Variants in TTC31 observed in about 807,000 individuals in gnomAD.
TTC31 encodes the protein tetratricopeptide repeat domain 31.
Under a neutral mutation model 60.4 loss-of-function variants are expected in TTC31, and 59 were observed. The observed-to-expected ratio is 0.98, with a 90% confidence interval of 0.79 to 1.21. TTC31 has a LOEUF of 1.21. Among genes scored for constraint, TTC31 ranks in the 50% most tolerant of loss-of-function variants. The pLI is 0.00. For synonymous variants in TTC31, 225 were observed against 249.6 expected (o/e 0.90, Z 0.93); for missense variants, 672 against 646.9 (o/e 1.04, Z -0.42).
chr2:74,483,879 G>T (rs1182288318), intron 2 of TTC31, among the ~76,000 whole-genome samples: 1 of 151,734 alleles, frequency 6.6e-6, no homozygotes, highest in Non-Finnish European at 1.5e-5. Flanking sequence ...GGGAGGTCAA[G>T]GTTTCAGTGA....
In TTC31 at chr2:74,483,134, A is replaced by G. The variant is rs1240825505; in HGVS notation, c.39A>G (p.Leu13=). The change falls in exon 1 of 13, where the codon CTA becomes CTG. Residue 13 remains leucine, a splice_region_variant and synonymous_variant. Transcript: ENST00000233623. ...CAAAGACTGTGGGGCGGATCAAGCT[A>G]GGTGAGCGGTATGACAAGACCAGTG... The part of the protein sequence containing the change: ...PIPKTVGRIK[L]DCSLRPSCPL... 2 of 1,614,192 alleles carry G rather than the reference A, an allele frequency of 1.2e-6. No homozygotes were observed. Among genetic ancestry groups the G allele is most frequent in the Non-Finnish European group, 1.7e-6 (2 of 1,180,028 alleles).
chr2:74,484,563 ATTC>A (rs1321115585), intron 2 of TTC31, among the ~76,000 whole-genome samples: 3 of 151,870 alleles, frequency 2.0e-5, no homozygotes, highest in African/African-American at 7.3e-5. Flanking sequence ...GGTTCAAGCA[ATTC>A]TTCTGCCTCA....
At position 74,483,373 on chromosome 2, in the gene TTC31, T is replaced by G; in HGVS notation, c.92T>G (p.Leu31Arg). The change falls in exon 2 of 13, where the codon CTT becomes CGT. Residue 31 changes from leucine (L) to arginine (R), a missense_variant. Transcript: ENST00000233623. ...CTGGAGGTCGCTGCTGCACCCAAAC[T>G]TTGCAAGGAATTCGGTCCAGAGGAT... ...CPLEVAAAPK[L>R]CKEFGPEDYG... The G allele has an allele frequency of 2.5e-6, 4 of 1,614,188 alleles. No individual in the cohort carries two copies. Among genetic ancestry groups the G allele is most frequent in the Non-Finnish European group, 3.4e-6 (4 of 1,180,038 alleles).
Position 74,492,835 on chromosome 2 carries a change from AG to A in TTC31, c.1264-82del, listed in dbSNP as rs1276107814. The A allele has an allele frequency of 3.5e-5, 55 of 1,588,090 alleles. No individual in the cohort carries two copies. The East Asian group carries it at 4.5e-4, about 13-fold the overall frequency. ...AATACCAAGCCTCAGGTGGCTAAGGAGGGGGCGGGGAAGGATGGGTGGAATG... is the reference window on the plus strand; with the variant it reads ...AATACCAAGCCTCAGGTGGCTAAGGAGGGGCGGGGAAGGATGGGTGGAATG... On this transcript the variant is annotated intron_variant, in intron 12 of 12. Coordinates refer to ENST00000233623, the MANE Select transcript of TTC31 (RefSeq NM_022492.6).
rs1558589057 is a variant in TTC31, at chr2:74,494,432, C to T, written c.*1214C>T. 1 of 152,178 alleles carries T rather than the reference C, an allele frequency of 6.6e-6. No homozygotes were observed. 9.4% of individuals were successfully genotyped at this position (152,178 alleles called of 1,614,324 possible). On this transcript the variant is annotated 3_prime_UTR_variant, in exon 13 of 13. Transcript: ENST00000233623. The stretch of plus-strand genomic sequence containing the variant: ...CAACATCTAAGCCTCAGTTCCCTCA[C>T]CTGTAAAAATGAGGGTAGTCCCTAC...
At position 74,483,152 on chromosome 2, in the gene TTC31, G is replaced by A; in HGVS notation, c.40+17G>A. 6.2e-7 allele frequency: 1 copy of A among 1,614,246 alleles called. No homozygotes were observed. Among genetic ancestry groups the A allele is most frequent in the East Asian group, 2.2e-5 (1 of 44,890 alleles). ...TCAAGCTAGGTGAGCGGTATGACAA[G>A]ACCAGTGGGGGTCTAGGAGGGCAGA... On this transcript the variant is annotated intron_variant, in intron 1 of 12. Coordinates refer to ENST00000233623, the MANE Select transcript of TTC31 (RefSeq NM_022492.6).
Position 74,490,228 on chromosome 2 carries a change from T to C in TTC31, c.233-16T>C, listed in dbSNP as rs779732403. The C allele has an allele frequency of 6.2e-7, 1 of 1,612,668 alleles. No homozygotes were observed. Among genetic ancestry groups the C allele is most frequent in the East Asian group, 2.2e-5 (1 of 44,838 alleles). On this transcript the variant is annotated splice_polypyrimidine_tract_variant and intron_variant, in intron 3 of 12. Transcript: ENST00000233623. ...CTCATGTCCTTTCTTTCCTGTCTCT[T>C]TCTCCCTCCTGACAGATTACCTCCT...
At position 74,490,232 on chromosome 2, in the gene TTC31, C is replaced by G. The variant is rs1401384589; in HGVS notation, c.233-12C>G. On this transcript the variant is annotated splice_polypyrimidine_tract_variant and intron_variant, in intron 3 of 12. Transcript: ENST00000233623. Reference sequence around the variant, plus strand: ...TGTCCTTTCTTTCCTGTCTCTTTCTCCCTCCTGACAGATTACCTCCTGGGC... The same window carrying G: ...TGTCCTTTCTTTCCTGTCTCTTTCTGCCTCCTGACAGATTACCTCCTGGGC... The G allele has an allele frequency of 2.5e-6, 4 of 1,613,002 alleles. No homozygotes were observed. The highest frequency in any genetic ancestry group is 3.3e-5 in the Admixed American group (2 of 59,986).
intron 2 of TTC31, among the ~76,000 whole-genome samples, chr2:74,486,552 A>C (rs1228006664): frequency 6.6e-6 from 1 of 152,204 alleles, no homozygotes; most frequent in Non-Finnish European, 1.5e-5. Context: ...AAAAGCAAGA[A>C]GGAGGATAGG....
intron 2 of TTC31, among the ~76,000 whole-genome samples, chr2:74,489,026 A>T (rs1673500672): frequency 6.6e-6 from 1 of 152,208 alleles, no homozygotes; most frequent in South Asian, 2.1e-4. Flanking sequence ...ACTGCACTCC[A>T]GCCTGGGTGA....
intron 2 of TTC31, among the ~76,000 whole-genome samples, chr2:74,485,640 T>G (rs1464420155): frequency 6.6e-6 from 1 of 151,242 alleles, no homozygotes; most frequent in East Asian, 2.0e-4. Flanking sequence ...CTGGCTAATT[T>G]TTTGTATTTT....
Position 74,491,699 on chromosome 2 carries a change from G to T in TTC31, c.876+27G>T, listed in dbSNP as rs375333627. ...TGAGGTGGCTGAAGAACCTTATTCA[G>T]CTGGAACCGTGGAAGGGGCACAAGG... On this transcript the variant is annotated intron_variant, in intron 8 of 12. Coordinates refer to ENST00000233623, the MANE Select transcript of TTC31 (RefSeq NM_022492.6). 6.2e-5 allele frequency: 100 copies of T among 1,610,794 alleles called. No homozygotes were observed. The Middle Eastern group carries it at 9.9e-4, about 16-fold the overall frequency.
At position 74,493,355 on chromosome 2, in the gene TTC31, CTT is replaced by C. The variant is rs1308419522; in HGVS notation, c.*138_*139del. ...TAATGATGCCCTGGCAGTCATTCCT[CTT>C]GCCATGGGGAAGCTTCTGATGAGAG... On this transcript the variant is annotated 3_prime_UTR_variant, in exon 13 of 13. Coordinates refer to ENST00000233623, the MANE Select transcript of TTC31 (RefSeq NM_022492.6). 6 of 933,320 alleles carry C rather than the reference CTT, an allele frequency of 6.4e-6. 1 individual carries two copies. The Admixed American group carries it at 1.7e-4, about 26-fold the overall frequency. The allele number at this position is 933,320 out of a possible 1,614,324, so 57.8% of individuals were successfully genotyped here.
At chr2:74,491,453 C>G in intron 7 of TTC31, 28 bp from the exon 8 acceptor site, 5 of 1,612,200 alleles carry the variant, frequency 3.1e-6, no homozygotes, top group Non-Finnish European at 4.2e-6. Flanking sequence ...ATCCCCACCC[C>G]CTCCCTAACT....
chr2:74,490,909 C>T (rs1286404646), intron 5 of TTC31, 170 bp downstream of exon 5: 2 of 888,540 alleles, frequency 2.3e-6, no homozygotes, highest in Non-Finnish European at 3.5e-6. Context: ...CCATCTGGTG[C>T]AGTGGTTCTG....
In TTC31 at chr2:74,492,008, C is replaced by G; in HGVS notation, c.881C>G (p.Ser294Cys). 1 of 1,614,216 alleles carries G rather than the reference C, an allele frequency of 6.2e-7. No homozygotes were observed. The highest frequency in any genetic ancestry group is 8.5e-7 in the Non-Finnish European group (1 of 1,180,032). Residue 294 changes from serine to cysteine, a missense_variant, in exon 9 of 13, where the codon TCT becomes TGT. Physicochemically the swap from Ser to Cys is moderately radical, Grantham distance 112. Transcript: ENST00000233623. ...GACTTTGCACCCTATCCCCAGGCAT[C>G]TCCGGGACTGCTGGCAGCTGCCTTA... ...RPQQSPKVQASPGLLAAALQQ... is the reference protein window; with the variant it reads ...RPQQSPKVQACPGLLAAALQQ...
At chr2:74,485,796 G>A (rs557660967) in intron 2 of TTC31, among the ~76,000 whole-genome samples, 4 of 151,766 alleles carry the variant, frequency 2.6e-5, no homozygotes, top group African/African-American at 4.8e-5. Flanking sequence ...TACAGATTGC[G>A]TTTCTCCATG....
rs1426029559 is a variant in TTC31, at chr2:74,493,510, C to A, written c.*292C>A. The A allele has an allele frequency of 2.9e-6, 1 of 348,584 alleles. No individual in the cohort carries two copies. The highest frequency in any genetic ancestry group is 5.2e-6 in the Non-Finnish European group (1 of 190,514). The allele number at this position is 348,584 out of a possible 1,614,324, so 21.6% of individuals were successfully genotyped here. ...AAAAGTTCAGGTTTTTAGGCTATAG[C>A]AGAGACAGTGAGAAAGCATCTGGGC... On this transcript the variant is annotated 3_prime_UTR_variant, in exon 13 of 13. Transcript: ENST00000233623.
chr2:74,485,004 T>C (rs1157582247), intron 2 of TTC31, among the ~76,000 whole-genome samples: 1 of 151,822 alleles, frequency 6.6e-6, no homozygotes, highest in Non-Finnish European at 1.5e-5. Flanking sequence ...CTCAAACATT[T>C]AGTTAGTCAC....
Sources: gnomAD v4.1 joint callset for allele counts (sites outside exome capture counted in the v4.1 genomes callset) on GRCh38, gnomAD v4.1.1 for gene constraint, MANE v1.5 for transcripts, NCBI Gene and HGNC (gene_info 2026-07-23, HGNC 2026-07-21) for gene names.